Variants in DNAJB6 observed in about 807,000 individuals in gnomAD.
The protein encoded by DNAJB6 is DnaJ heat shock protein family (Hsp40) member B6, also known as dnaJ homolog subfamily B member 6.
A neutral mutation model predicts 42.7 loss-of-function variants in DNAJB6; 16 were observed. The ratio of observed to expected loss-of-function variants is 0.37; its 90% CI spans 0.25 to 0.57. DNAJB6 has a LOEUF of 0.57. Among genes scored for constraint, DNAJB6 ranks in the 20% least tolerant of loss-of-function variants. The pLI is 0.74. For missense variants in DNAJB6, 347 were observed against 416.8 expected, an observed-to-expected ratio of 0.83 and a Z score of 1.46; for synonymous variants, 170 against 163.5, an observed-to-expected ratio of 1.04 and a Z score of -0.30.
chr7:157,342,896 TAATGA>T (rs1456200398), intron 1 of DNAJB6, among the ~76,000 whole-genome samples: 1 of 152,084 alleles, frequency 6.6e-6, no homozygotes, highest in African/African-American at 2.4e-5. Flanking sequence ...ACATACTGGA[TAATGA>T]AATAAGTAGG....
chr7:157,386,422 C>A, intron 8 of DNAJB6: 1 of 466,748 alleles, frequency 2.1e-6, no homozygotes, highest in Non-Finnish European at 2.8e-6. Context: ...ACCTCAGTTA[C>A]ATGTAGACAT....
chr7:157,346,351 C>T (rs930569786), intron 1 of DNAJB6, among the ~76,000 whole-genome samples: 1 of 127,386 alleles, frequency 7.9e-6, no homozygotes, highest in Non-Finnish European at 1.7e-5. Context: ...AAAGATACAA[C>T]TTAGTTTCTC....
intron 8 of DNAJB6, among the ~76,000 whole-genome samples, chr7:157,391,378 C>A (rs971983627): frequency 6.6e-6 from 1 of 152,248 alleles, no homozygotes; most frequent in Non-Finnish European, 1.5e-5. Context: ...AGCTGCAGAA[C>A]TTGAACGAGA....
chr7:157,381,798 TC>T (rs1274395740), intron 5 of DNAJB6: 1 of 153,530 alleles, frequency 6.5e-6, no homozygotes, highest in Non-Finnish European at 1.4e-5. Context: ...GTTAGGGTAA[TC>T]CATTTTTCTG....
Position 157,349,316 on chromosome 7 carries a change from C to T in DNAJB6, c.-26-9231C>T, listed in dbSNP as rs116659515. ...AATCAGAATGACAATATTCTTTTAA[C>T]ATTAGGAAGGCTTTGATTGGTTGAC... On this transcript the variant is annotated intron_variant, in intron 1 of 9. Transcript: ENST00000262177. Among the ~76,000 whole-genome samples, 645 of 152,242 alleles carry T rather than the reference C, an allele frequency of 4.2e-3. 5 individuals are homozygous for T. The highest frequency in any genetic ancestry group is 0.015 in the African/African-American group (615 of 41,520).
At chr7:157,409,672 C>A in intron 8 of DNAJB6, 123 bp from the exon 9 acceptor site, 1 of 1,123,330 alleles carries the variant, frequency 8.9e-7, no homozygotes, top group Non-Finnish European at 1.2e-6. Flanking sequence ...CCTCTTTCTC[C>A]TGCCCGGAGA....
chr7:157,354,968 C>T (rs1219708220), intron 1 of DNAJB6, among the ~76,000 whole-genome samples: 1 of 152,042 alleles, frequency 6.6e-6, no homozygotes, highest in Non-Finnish European at 1.5e-5. Context: ...GCTGGACATC[C>T]AAGTGGCTGT....
intron 8 of DNAJB6, 33 bp from the exon 9 acceptor site, chr7:157,409,762 C>T (rs1795903497): frequency 1.3e-6 from 2 of 1,499,870 alleles, no homozygotes. Flanking sequence ...CCGCCGCTCA[C>T]TCACGGCTCT....
At chr7:157,365,625 T>G (rs928792779) in intron 3 of DNAJB6, among the ~76,000 whole-genome samples, 1 of 152,188 alleles carries the variant, frequency 6.6e-6, no homozygotes, top group Non-Finnish European at 1.5e-5. Flanking sequence ...CTGGGCTCTG[T>G]GCAGTAGAGT....
At chr7:157,343,882 CTTGAT>C (rs982982943) in intron 1 of DNAJB6, among the ~76,000 whole-genome samples, 1 of 152,086 alleles carries the variant, frequency 6.6e-6, no homozygotes, top group African/African-American at 2.4e-5. Context: ...TTTTTTTAAA[CTTGAT>C]TTAGATGTAT....
chr7:157,401,015 C>A (rs1030319108), intron 8 of DNAJB6, among the ~76,000 whole-genome samples: 1 of 152,154 alleles, frequency 6.6e-6, no homozygotes, highest in East Asian at 1.9e-4. Context: ...GAGGGACTTA[C>A]CCGCTGTGGT....
intron 8 of DNAJB6, among the ~76,000 whole-genome samples, chr7:157,391,863 A>T (rs1427304413): frequency 6.6e-6 from 1 of 152,108 alleles, no homozygotes; most frequent in Admixed American, 6.5e-5. Context: ...GTGCTCTGGG[A>T]GGCTGAGGTG....
At chr7:157,355,103 T>C (rs935657378) in intron 1 of DNAJB6, among the ~76,000 whole-genome samples, 1 of 152,186 alleles carries the variant, frequency 6.6e-6, no homozygotes, top group Admixed American at 6.5e-5. Flanking sequence ...AAAACCCACA[T>C]GTAGGATGAG....
chr7:157,404,289 TTTTTTC>T lies in DNAJB6; in HGVS notation c.692-5494_692-5489del, dbSNP rs1286438483. ...ACTTTCAGCCCTACTGTGCAGTTTTTTTTTTCTTTTTCTTTTTTTGAGACAAAGTCT... is the reference window on the plus strand; with the variant it reads ...ACTTTCAGCCCTACTGTGCAGTTTTTTTTTTCTTTTTTTGAGACAAAGTCT... On this transcript the variant is annotated intron_variant, in intron 8 of 9. Transcript: ENST00000262177. 2.0e-5 allele frequency among the ~76,000 whole-genome samples: 3 copies of T among 149,300 alleles called. No homozygotes were observed. In the South Asian group the frequency reaches 6.4e-4, roughly 32 times the overall value.
Position 157,416,223 on chromosome 7 carries a change from A to G in DNAJB6, c.*125A>G. 1 of 1,437,368 alleles carries G rather than the reference A, an allele frequency of 7.0e-7. No homozygotes were observed. The highest frequency in any genetic ancestry group is 9.4e-7 in the Non-Finnish European group (1 of 1,059,310). The allele number at this position is 1,437,368 out of a possible 1,614,324, so 89.0% of individuals were successfully genotyped here. A position where few individuals can be genotyped will look rare whatever the true frequency, so the allele number is the denominator to read the frequency against. ...TGTCTCGAGGCCACACTCGCTCGGC[A>G]GGATTATGCGATCACGGATCAGTCA... On this transcript the variant is annotated 3_prime_UTR_variant, in exon 10 of 10. Transcript: ENST00000262177.
chr7:157,404,052 G>A (rs946851758), intron 8 of DNAJB6, among the ~76,000 whole-genome samples: 1 of 150,654 alleles, frequency 6.6e-6, no homozygotes, highest in Non-Finnish European at 1.5e-5. Flanking sequence ...CTGCAGCCTC[G>A]AACTCCTAGG....
chr7:157,395,868 C>G (rs1359137675), intron 8 of DNAJB6, among the ~76,000 whole-genome samples: 1 of 151,246 alleles, frequency 6.6e-6, no homozygotes, highest in African/African-American at 2.4e-5. Flanking sequence ...GTTGGCCAGG[C>G]TGGTCTTGAA....
chr7:157,345,783 G>A (rs1239502523), intron 1 of DNAJB6, among the ~76,000 whole-genome samples: 1 of 152,192 alleles, frequency 6.6e-6, no homozygotes, highest in Non-Finnish European at 1.5e-5. Flanking sequence ...GAGCAGCATG[G>A]TTTTAAAAAG....
intron 5 of DNAJB6, among the ~76,000 whole-genome samples, chr7:157,373,089 G>C (rs1800297872): frequency 6.6e-6 from 1 of 152,004 alleles, no homozygotes; most frequent in Non-Finnish European, 1.5e-5. Flanking sequence ...CTTTTTATAA[G>C]GACATCATTT....
Sources: gnomAD v4.1 joint callset for allele counts (sites outside exome capture counted in the v4.1 genomes callset) on GRCh38, gnomAD v4.1.1 for gene constraint, MANE v1.5 for transcripts, NCBI Gene and HGNC (gene_info 2026-07-23, HGNC 2026-07-21) for gene names.